The following CASP6 variants were observed in gnomAD, a reference collection of about 807,000 sequenced individuals.
The protein encoded by CASP6 is caspase-6.
In CASP6, 20 loss-of-function variants were observed where a neutral mutation model predicts 31.8. The ratio of observed to expected loss-of-function variants is 0.63; its 90% CI spans 0.44 to 0.91. The LOEUF (loss-of-function observed/expected upper bound fraction) is 0.91. CASP6 is among the 40% of genes least tolerant of loss of function. The probability of loss-of-function intolerance (pLI) is 0.00; values close to 1 mark genes in which losing one functional copy is unlikely to be tolerated. For synonymous variants in CASP6, 130 were observed against 127.8 expected (o/e 1.02, Z -0.12); for missense variants, 328 against 361.1 (o/e 0.91, Z 0.74).
intron 6 of CASP6, among the ~76,000 whole-genome samples, chr4:109,690,153 C>A (rs1729992371): frequency 6.6e-6 from 1 of 150,756 alleles, no homozygotes; most frequent in African/African-American, 2.5e-5. Flanking sequence ...CCACTGCACT[C>A]CCGCCTGGGC....
At chr4:109,695,905 AG>A (rs1013096873) in intron 4 of CASP6, among the ~76,000 whole-genome samples, 2 of 152,202 alleles carry the variant, frequency 1.3e-5, no homozygotes, top group Non-Finnish European at 2.9e-5. Context: ...AGAGCTCTGA[AG>A]AAAGTTTAAA....
At chr4:109,684,844 AAGTAATT>A (rs1468324896), downstream of CASP6, 1 of 497,524 alleles carries the variant, frequency 2.0e-6, no homozygotes, top group East Asian at 3.2e-5. Flanking sequence ...TTCTTTGGAG[AAGTAATT>A]AGTGTAACAC....
the CASP6 span, among the ~76,000 whole-genome samples, chr4:109,679,580 G>T: frequency 6.6e-6 from 1 of 152,210 alleles, no homozygotes; most frequent in Non-Finnish European, 1.5e-5. Context: ...CGAGATCATG[G>T]CAGTACAGTC....
the CASP6 span, among the ~76,000 whole-genome samples, chr4:109,665,561 T>G: frequency 6.6e-6 from 1 of 152,200 alleles, no homozygotes; most frequent in Non-Finnish European, 1.5e-5. Context: ...GCATTTAACC[T>G]CCATACTCCC....
Position 109,691,003 on chromosome 4 carries a change from G to C in CASP6, c.490C>G (p.Arg164Gly). ...KPKIFIIQAC[R>G]GNQHDVPVIP... is the part of the protein sequence containing the mutation. Reference sequence around the variant, plus strand: ...ACTGGCACATCGTGCTGGTTTCCCCGACATGCCTACAAGACAAGGAGGAAA... The same window carrying C: ...ACTGGCACATCGTGCTGGTTTCCCCCACATGCCTACAAGACAAGGAGGAAA... The change falls in exon 6 of 7, where the codon CGG becomes GGG. Residue 164 changes from arginine to glycine, a missense_variant. Coordinates refer to ENST00000265164, the MANE Select transcript of CASP6 (RefSeq NM_001226.4). 6.2e-7 allele frequency: 1 copy of C among 1,609,558 alleles called. No individual in the cohort carries two copies. The highest frequency in any genetic ancestry group is 8.5e-7 in the Non-Finnish European group (1 of 1,178,008).
chr4:109,678,922 C>T, the CASP6 span, among the ~76,000 whole-genome samples: 1 of 145,592 alleles, frequency 6.9e-6, no homozygotes, highest in Non-Finnish European at 1.5e-5. Flanking sequence ...CAGAGGCGCT[C>T]CTCACATCCC....
chr4:109,695,189 T>C (rs145830247), intron 4 of CASP6, among the ~76,000 whole-genome samples: 127 of 152,286 alleles, frequency 8.3e-4, no homozygotes, highest in African/African-American at 3.0e-3. Flanking sequence ...AATCAAACAA[T>C]ATACCGTACT....
At chr4:109,669,199 T>C in the CASP6 span, among the ~76,000 whole-genome samples, 1 of 152,196 alleles carries the variant, frequency 6.6e-6, no homozygotes, top group Non-Finnish European at 1.5e-5. Flanking sequence ...TAATATTTCT[T>C]GCAAGGCAGG....
downstream of CASP6, among the ~76,000 whole-genome samples, chr4:109,683,911 G>A (rs1729772883): frequency 6.6e-6 from 1 of 152,052 alleles, no homozygotes; most frequent in African/African-American, 2.4e-5. Context: ...TTTTCCAAGG[G>A]CAGTTATTAC....
upstream of CASP6, among the ~76,000 whole-genome samples, chr4:109,706,772 G>A (rs1730628897): frequency 6.6e-6 from 1 of 152,196 alleles, no homozygotes; most frequent in Non-Finnish European, 1.5e-5. Context: ...GCCGGGCACG[G>A]TGGCAGGCAC....
At chr4:109,675,624 GT>G in the CASP6 span, among the ~76,000 whole-genome samples, 1 of 152,176 alleles carries the variant, frequency 6.6e-6, no homozygotes, top group Non-Finnish European at 1.5e-5. Context: ...CTTTGAGTAT[GT>G]TTCCCAAAGT....
the CASP6 span, among the ~76,000 whole-genome samples, chr4:109,674,370 G>A: frequency 6.6e-6 from 1 of 152,158 alleles, no homozygotes; most frequent in African/African-American, 2.4e-5. Flanking sequence ...TGCACTTGAT[G>A]GTGTTGAAAT....
chr4:109,696,918 T>C (rs1276737309), intron 3 of CASP6, among the ~76,000 whole-genome samples: 1 of 151,774 alleles, frequency 6.6e-6, no homozygotes, highest in Non-Finnish European at 1.5e-5. Flanking sequence ...CCCGAGTAGC[T>C]GGGACTACAG....
chr4:109,687,509 T>C (rs1375628132), downstream of CASP6: 3 of 1,605,088 alleles, frequency 1.9e-6, no homozygotes, highest in South Asian at 2.2e-5. Context: ...CTTTTTCCCA[T>C]GACAGGCTAA....
downstream of CASP6, chr4:109,687,466 TA>T (rs1729873677): frequency 8.0e-7 from 1 of 1,257,470 alleles, no homozygotes; most frequent in African/African-American, 1.5e-5. Context: ...GTAATGTTGG[TA>T]TGTTTCTCTT....
At chr4:109,686,863 C>A (rs1729852987), downstream of CASP6, among the ~76,000 whole-genome samples, 1 of 151,882 alleles carries the variant, frequency 6.6e-6, no homozygotes, top group African/African-American at 2.4e-5. Context: ...GGCAACAGAG[C>A]AAGACCCCAT....
intron 4 of CASP6, 134 bp from the exon 5 acceptor site, chr4:109,694,834 CTTTT>C (rs1322242570): frequency 3.3e-6 from 3 of 905,876 alleles, no homozygotes; most frequent in African/African-American, 3.5e-5. Context: ...GTGGTTTTGT[CTTTT>C]TTGTTTTTTT....
At chr4:109,676,020 C>T in the CASP6 span, among the ~76,000 whole-genome samples, 3 of 152,088 alleles carry the variant, frequency 2.0e-5, no homozygotes, top group Non-Finnish European at 4.4e-5. Context: ...AAATTGGTAC[C>T]AGAAGTGGGG....
At chr4:109,691,045 T>TA in intron 5 of CASP6, 36 bp from the exon 6 acceptor site, 1 of 1,582,898 alleles carries the variant, frequency 6.3e-7, no homozygotes, top group Non-Finnish European at 8.6e-7. Context: ...CCTCTTTGCC[T>TA]ACTGTTTCCT....
Sources: gnomAD v4.1 joint callset for allele counts (sites outside exome capture counted in the v4.1 genomes callset) on GRCh38, gnomAD v4.1.1 for gene constraint, MANE v1.5 for transcripts, NCBI Gene and HGNC (gene_info 2026-07-23, HGNC 2026-07-21) for gene names.